The following SLC28A1 variants were observed in gnomAD, a reference collection of about 807,000 sequenced individuals.
The protein encoded by SLC28A1 is solute carrier family 28 member 1.
In SLC28A1, 64 loss-of-function variants were observed where a neutral mutation model predicts 74.8. The observed-to-expected ratio is 0.86, with a 90% CI of 0.70 to 1.05. The LOEUF is 1.05. Ranked by LOEUF, SLC28A1 falls within the 50% of genes least tolerant of loss-of-function variation. The pLI, the probability that SLC28A1 is intolerant of heterozygous loss-of-function variation, is 0.00. For synonymous variants in SLC28A1, 359 were observed against 335.0 expected (o/e 1.07, Z -0.78); for missense variants, 828 against 822.8 (o/e 1.01, Z -0.08).
chr15:84,950,167 G>C (rs1169754842), downstream of SLC28A1, among the ~76,000 whole-genome samples: 1 of 152,148 alleles, frequency 6.6e-6, no homozygotes, highest in African/African-American at 2.4e-5. Context: ...ATTGAACCCT[G>C]TCTCTGCTGG....
chr15:84,888,637 C>G (rs1361456046), intron 3 of SLC28A1, 135 bp from the exon 4 acceptor site: 6 of 683,322 alleles, frequency 8.8e-6, no homozygotes, highest in South Asian at 4.6e-5. Flanking sequence ...AGTTTAGTAG[C>G]CTTCTAATTC....
chr15:84,887,460 G>A, intron 2 of SLC28A1: 1 of 978,414 alleles, frequency 1.0e-6, no homozygotes, highest in African/African-American at 1.7e-5. Context: ...GAGGTGGGAG[G>A]ACTGCTTGAG....
the SLC28A1 span, among the ~76,000 whole-genome samples, chr15:84,959,973 G>A: frequency 3.3e-5 from 5 of 152,184 alleles, no homozygotes; most frequent in East Asian, 9.7e-4. Flanking sequence ...GAGATAACTG[G>A]GCTGAGACCA....
intron 12 of SLC28A1, among the ~76,000 whole-genome samples, chr15:84,932,266 G>C (rs1411140810): frequency 2.0e-5 from 3 of 152,112 alleles, no homozygotes; most frequent in Non-Finnish European, 4.4e-5. Context: ...TGTCTGAGTT[G>C]GTTCTGATTT....
At chr15:84,943,653 G>C in intron 16 of SLC28A1, 127 bp downstream of exon 16, 2 of 758,510 alleles carry the variant, frequency 2.6e-6, no homozygotes, top group Non-Finnish European at 4.7e-6. Flanking sequence ...TAGAGGCCAG[G>C]TGTGGTGGCT....
chr15:84,938,130 G>T (rs1368245752), intron 15 of SLC28A1, among the ~76,000 whole-genome samples: 1 of 151,812 alleles, frequency 6.6e-6, no homozygotes, highest in Non-Finnish European at 1.5e-5. Flanking sequence ...AACCCAGGAG[G>T]GGGAGGTTGC....
intron 6 of SLC28A1, among the ~76,000 whole-genome samples, chr15:84,901,801 T>C (rs988689429): frequency 6.6e-6 from 1 of 152,260 alleles, no homozygotes; most frequent in African/African-American, 2.4e-5. Context: ...AGAAAACAGA[T>C]TGGCACTTTC....
chr15:84,925,067 GTTTTTT>G (rs964017770), intron 12 of SLC28A1, among the ~76,000 whole-genome samples: 4 of 84,150 alleles, frequency 4.8e-5, no homozygotes, highest in South Asian at 6.5e-4. Flanking sequence ...CGCCCAGCTA[GTTTTTT>G]TTTTTTTTTT....
chr15:84,918,444 C>A, intron 9 of SLC28A1, 80 bp from the exon 10 acceptor site: 1 of 1,032,366 alleles, frequency 9.7e-7, no homozygotes, highest in South Asian at 1.3e-5. Flanking sequence ...AGTGGGCTGT[C>A]TGGGGTCTCC....
intron 11 of SLC28A1, among the ~76,000 whole-genome samples, chr15:84,922,465 C>T (rs980265112): frequency 6.6e-6 from 1 of 152,136 alleles, no homozygotes; most frequent in East Asian, 1.9e-4. Context: ...TCCCCCACTG[C>T]GGCATCCAAT....
chr15:84,903,497 C>G (rs956963604), intron 6 of SLC28A1, among the ~76,000 whole-genome samples: 2 of 152,210 alleles, frequency 1.3e-5, no homozygotes, highest in South Asian at 4.1e-4. Context: ...TCTTGAGTAC[C>G]TGATGCCAAA....
chr15:84,889,879 A>T, intron 4 of SLC28A1, among the ~76,000 whole-genome samples: 1 of 129,542 alleles, frequency 7.7e-6, no homozygotes, highest in African/African-American at 3.0e-5. Flanking sequence ...TTTTTTAGGC[A>T]GGTCTCACTC....
At chr15:84,898,482 G>A (rs897667194) in intron 6 of SLC28A1, among the ~76,000 whole-genome samples, 1 of 151,890 alleles carries the variant, frequency 6.6e-6, no homozygotes, top group Non-Finnish European at 1.5e-5. Flanking sequence ...AGGAAGCTGA[G>A]GCAGGAGAAT....
intron 8 of SLC28A1, among the ~76,000 whole-genome samples, chr15:84,907,476 T>A (rs1384213126): frequency 6.6e-6 from 1 of 152,046 alleles, no homozygotes; most frequent in African/African-American, 2.4e-5. Flanking sequence ...TAAGCCACCA[T>A]GCTGGCCTTT....
intron 10 of SLC28A1, among the ~76,000 whole-genome samples, chr15:84,919,801 T>C (rs1969581041): frequency 6.6e-6 from 1 of 152,212 alleles, no homozygotes; most frequent in South Asian, 2.1e-4. Context: ...ATATTTTTAT[T>C]TGGCAATCAA....
the SLC28A1 span, among the ~76,000 whole-genome samples, chr15:84,971,412 G>C: frequency 6.6e-6 from 1 of 152,156 alleles, no homozygotes; most frequent in Non-Finnish European, 1.5e-5. Flanking sequence ...TCCTCAATGA[G>C]CGAGCTCTTG....
downstream of SLC28A1, among the ~76,000 whole-genome samples, chr15:84,950,676 G>T (rs990401697): frequency 6.6e-6 from 1 of 152,108 alleles, no homozygotes; most frequent in African/African-American, 2.4e-5. Flanking sequence ...CTGCACTCCA[G>T]CCTGGGTGAC....
chr15:84,922,844 A>G (rs1225969703), intron 11 of SLC28A1, among the ~76,000 whole-genome samples: 1 of 152,174 alleles, frequency 6.6e-6, no homozygotes, highest in Non-Finnish European at 1.5e-5. Context: ...CTGGAATGCT[A>G]TGCTATCAAA....
chr15:84,930,988 G>C (rs545673655), intron 12 of SLC28A1, among the ~76,000 whole-genome samples: 2 of 152,026 alleles, frequency 1.3e-5, no homozygotes, highest in East Asian at 3.9e-4. Flanking sequence ...GGCCAGACTG[G>C]TCTCGAACTC....
Sources: gnomAD v4.1 joint callset for allele counts (sites outside exome capture counted in the v4.1 genomes callset) on GRCh38, gnomAD v4.1.1 for gene constraint, MANE v1.5 for transcripts, NCBI Gene and HGNC (gene_info 2026-07-23, HGNC 2026-07-21) for gene names.